The following FRMPD4 variants were observed in gnomAD, a reference collection of about 807,000 sequenced individuals.
FRMPD4 encodes FERM and PDZ domain containing 4.
A neutral mutation model predicts 94.1 loss-of-function variants in FRMPD4; 22 were observed. The observed-to-expected ratio is 0.23, with a 90% CI of 0.17 to 0.33. FRMPD4 has a LOEUF of 0.33. FRMPD4 is among the 10% of genes least tolerant of loss of function. FRMPD4 has a pLI of 1.00. For missense variants in FRMPD4, 1,111 were observed against 1,339.9 expected, an observed-to-expected ratio of 0.83 and a Z score of 2.67; for synonymous variants, 631 against 548.6, an observed-to-expected ratio of 1.15 and a Z score of -2.10.
At chrX:12,618,129 T>A (rs767740459) in intron 4 of FRMPD4, among the ~76,000 whole-genome samples, 2 of 111,958 alleles carry the variant, frequency 1.8e-5, no homozygotes, top group East Asian at 5.6e-4. Flanking sequence ...TTACCATATC[T>A]TTCTTCTTTA....
intron 1 of FRMPD4, among the ~76,000 whole-genome samples, chrX:12,215,046 A>C (rs1601704857): frequency 9.0e-6 from 1 of 111,672 alleles, no homozygotes; most frequent in South Asian, 3.8e-4. Context: ...CAGAAGGGAA[A>C]TACTATAGCA....
chrX:12,186,119 C>T (rs2056421853), intron 1 of FRMPD4, among the ~76,000 whole-genome samples: 1 of 111,529 alleles, frequency 9.0e-6, no homozygotes, highest in Non-Finnish European at 1.9e-5. Flanking sequence ...GGCATTTCAA[C>T]TCTATTTTTT....
At chrX:11,908,777 C>G (rs762114836) in intron 3 of FRMPD4, among the ~76,000 whole-genome samples, 3 of 111,750 alleles carry the variant, frequency 2.7e-5, no homozygotes, top group African/African-American at 9.7e-5. Context: ...TTTTTAGGCC[C>G]TTGAAATGAT....
chrX:12,596,205 T>C (rs1430529346), intron 2 of FRMPD4, among the ~76,000 whole-genome samples: 1 of 111,533 alleles, frequency 9.0e-6, no homozygotes, highest in Non-Finnish European at 1.9e-5. Context: ...TCCTGAATTC[T>C]GCACCAGAAT....
intron 1 of FRMPD4, among the ~76,000 whole-genome samples, chrX:12,301,851 A>T (rs1451285797): frequency 1.8e-5 from 2 of 111,644 alleles, no homozygotes; most frequent in Non-Finnish European, 3.8e-5. Context: ...GTAAAACCTA[A>T]AGTAGTAGAT....
At chrX:12,377,177 C>A (rs896369847) in intron 1 of FRMPD4, among the ~76,000 whole-genome samples, 2 of 112,502 alleles carry the variant, frequency 1.8e-5, no homozygotes, top group South Asian at 3.7e-4. Flanking sequence ...TATAGCCATG[C>A]AAATTTAATC....
chrX:12,274,409 A>G (rs2054400573), intron 1 of FRMPD4, among the ~76,000 whole-genome samples: 1 of 112,183 alleles, frequency 8.9e-6, no homozygotes, highest in Admixed American at 9.4e-5. Context: ...AGGCTATTTT[A>G]CTCTGAACAA....
At chrX:11,987,897 T>G (rs1207855195) in intron 3 of FRMPD4, among the ~76,000 whole-genome samples, 1 of 111,262 alleles carries the variant, frequency 9.0e-6, no homozygotes, top group Non-Finnish European at 1.9e-5. Context: ...GAAAGATCTC[T>G]GTAATCAAAA....
At chrX:12,450,055 TGAAGA>T (rs1276575658) in intron 1 of FRMPD4, among the ~76,000 whole-genome samples, 2 of 110,104 alleles carry the variant, frequency 1.8e-5, no homozygotes, top group Non-Finnish European at 3.8e-5. Flanking sequence ...TTTATTCCTG[TGAAGA>T]GATTTTCTAA....
chrX:12,502,125 C>T (rs968658334), intron 2 of FRMPD4, among the ~76,000 whole-genome samples: 1 of 111,925 alleles, frequency 8.9e-6, no homozygotes, highest in Non-Finnish European at 1.9e-5. Context: ...GTTTCAGGAG[C>T]TCCCCAGGTA....
Position 12,662,737 on chromosome X carries a change from A to G in FRMPD4, c.423-12126A>G, listed in dbSNP as rs147204746. On this transcript the variant is annotated intron_variant, in intron 4 of 16. Transcript: ENST00000675598. Reference sequence around the variant, plus strand: ...CACCCAGTAATGGGATGGCTGGGTCAAATGGTATTTCTGGTTCCATATCCT... The same window carrying G: ...CACCCAGTAATGGGATGGCTGGGTCGAATGGTATTTCTGGTTCCATATCCT... 8.9e-3 allele frequency among the ~76,000 whole-genome samples: 996 copies of G among 112,292 alleles called. 7 individuals are homozygous for G. The highest frequency in any genetic ancestry group is 0.012 in the Non-Finnish European group (658 of 53,253).
intron 1 of FRMPD4, among the ~76,000 whole-genome samples, chrX:12,315,636 C>T (rs997976573): frequency 7.1e-5 from 8 of 112,066 alleles, no homozygotes; most frequent in African/African-American, 2.6e-4. Context: ...ACATCAATGA[C>T]CTCATTACCA....
chrX:12,250,958 G>T (rs916157663), intron 1 of FRMPD4, among the ~76,000 whole-genome samples: 2 of 111,820 alleles, frequency 1.8e-5, no homozygotes, highest in African/African-American at 3.3e-5. Flanking sequence ...GCACCAAAGC[G>T]CCCAGCTGAG....
At chrX:12,337,007 G>A (rs1278322580) in intron 1 of FRMPD4, among the ~76,000 whole-genome samples, 3 of 111,211 alleles carry the variant, frequency 2.7e-5, no homozygotes, top group African/African-American at 9.8e-5. Context: ...GTGTACTTCT[G>A]TGTGTGTTAG....
chrX:12,553,542 A>G (rs1361041163), intron 2 of FRMPD4, among the ~76,000 whole-genome samples: 2 of 100,782 alleles, frequency 2.0e-5, no homozygotes, highest in Non-Finnish European at 4.0e-5. Flanking sequence ...CCCTTTAACA[A>G]CCTTCAACTC....
chrX:12,265,734 A>G (rs1026507007), intron 1 of FRMPD4, among the ~76,000 whole-genome samples: 4 of 107,300 alleles, frequency 3.7e-5, no homozygotes, highest in Non-Finnish European at 5.8e-5. Flanking sequence ...AACTTGGGTG[A>G]TTAGATCTCA....
At chrX:12,531,035 T>C (rs2058280542) in intron 2 of FRMPD4, among the ~76,000 whole-genome samples, 1 of 111,809 alleles carries the variant, frequency 8.9e-6, no homozygotes, top group Non-Finnish European at 1.9e-5. Context: ...CTCAGATGGC[T>C]AAGATAATGG....
intron 3 of FRMPD4, among the ~76,000 whole-genome samples, chrX:11,973,288 T>C (rs1329374410): frequency 8.9e-6 from 1 of 112,545 alleles, no homozygotes; most frequent in African/African-American, 3.2e-5. Flanking sequence ...AAACGTGTTA[T>C]AAAATGCTGT....
intron 1 of FRMPD4, among the ~76,000 whole-genome samples, chrX:11,843,742 G>T (rs1166347751): frequency 9.2e-6 from 1 of 108,612 alleles, no homozygotes; most frequent in East Asian, 2.9e-4. Flanking sequence ...TTTTTTTGTG[G>T]GTCTTGCTGT....
Sources: allele counts gnomAD v4.1 joint callset (sites outside exome capture counted in the v4.1 genomes callset), GRCh38; gene constraint gnomAD v4.1.1; transcripts MANE v1.5; gene names NCBI Gene and HGNC (gene_info 2026-07-23, HGNC 2026-07-21).